DCLK2: variants seen among roughly 807,000 people sequenced by gnomAD.
DCLK2 encodes the protein serine/threonine-protein kinase DCLK2.
In DCLK2, 31 loss-of-function variants were observed where a neutral mutation model predicts 78.4. The observed-to-expected ratio is 0.40, with a 90% CI of 0.30 to 0.53. DCLK2 has a LOEUF of 0.53. Ranked by LOEUF, DCLK2 falls within the 20% of genes least tolerant of loss-of-function variation. The pLI, the probability that DCLK2 is intolerant of heterozygous loss-of-function variation, is 0.61. For missense variants in DCLK2, 872 were observed against 973.7 expected (o/e 0.90, Z 1.39); for synonymous variants, 407 against 374.9 (o/e 1.09, Z -0.99).
rs1440717350 is a variant in DCLK2 at position 150,175,056 on chromosome 4, A to T, written c.757-18082A>T. Among the ~76,000 whole-genome samples the T allele has an allele frequency of 3.8e-3, 64 of 17,066 alleles. 11 individuals carry two copies. Among genetic ancestry groups the T allele is most frequent in the Non-Finnish European group, 7.6e-3 (55 of 7,224 alleles). 11.2% of individuals were successfully genotyped at this position (17,066 alleles called of 152,430 possible). On this transcript the variant is annotated intron_variant, in intron 2 of 15. Coordinates refer to ENST00000296550, the MANE Select transcript of DCLK2 (RefSeq NM_001040260.4). ...TATTTATATATATTTATATATTTAT[A>T]TATATATTTATATATATTTATATAT...
chr4:150,242,422 C>G (rs568430539), intron 12 of DCLK2, among the ~76,000 whole-genome samples: 1 of 152,236 alleles, frequency 6.6e-6, no homozygotes, highest in Non-Finnish European at 1.5e-5. Context: ...GTGGGTTACA[C>G]AGACTGTAGA....
At chr4:150,098,698 CTTT>C (rs59616581) in intron 1 of DCLK2, among the ~76,000 whole-genome samples, 6 of 129,098 alleles carry the variant, frequency 4.6e-5, no homozygotes, top group African/African-American at 2.9e-5. Context: ...TTTTCTTTTT[CTTT>C]TTTTTTTTTT....
chr4:150,150,685 G>T (rs1370705125), intron 2 of DCLK2, among the ~76,000 whole-genome samples: 1 of 152,110 alleles, frequency 6.6e-6, no homozygotes, highest in African/African-American at 2.4e-5. Context: ...AGCACTCTTG[G>T]ACATGTTGTT....
At chr4:150,215,794 C>T (rs1309013211) in intron 5 of DCLK2, among the ~76,000 whole-genome samples, 3 of 152,208 alleles carry the variant, frequency 2.0e-5, no homozygotes, top group South Asian at 2.1e-4. Flanking sequence ...TTCTTAGCCT[C>T]TTTATAGAGC....
intron 2 of DCLK2, among the ~76,000 whole-genome samples, chr4:150,183,993 C>G (rs1299045708): frequency 6.6e-6 from 1 of 152,148 alleles, no homozygotes; most frequent in East Asian, 1.9e-4. Context: ...CTTGGCCTCC[C>G]TAAGTGCTGG....
At chr4:150,241,898 C>T (rs1163049467) in intron 12 of DCLK2, among the ~76,000 whole-genome samples, 1 of 152,186 alleles carries the variant, frequency 6.6e-6, no homozygotes, top group Non-Finnish European at 1.5e-5. Flanking sequence ...AAGGTCCCAT[C>T]TCCTACTACC....
intron 12 of DCLK2, among the ~76,000 whole-genome samples, chr4:150,240,822 T>C (rs1315609092): frequency 6.6e-6 from 1 of 151,802 alleles, no homozygotes; most frequent in Non-Finnish European, 1.5e-5. Context: ...CGCTTTTTAA[T>C]TTACAGCCTA....
At chr4:150,098,827 C>A (rs1298360201) in intron 1 of DCLK2, among the ~76,000 whole-genome samples, 3 of 151,530 alleles carry the variant, frequency 2.0e-5, no homozygotes, top group African/African-American at 7.3e-5. Flanking sequence ...TACTGAGTAG[C>A]TGGGATTACA....
At position 150,101,032 on chromosome 4, in the gene DCLK2, C is replaced by T. The variant is rs113517274; in HGVS notation, c.422-1446C>T. The stretch of plus-strand genomic sequence containing the variant: ...CTTTGGGAGGTCAAGGTGGGTGACT[C>T]GCTTGAACACAGGAGTTCAAGACCA... On this transcript the variant is annotated intron_variant, in intron 1 of 15. Coordinates refer to ENST00000296550, the MANE Select transcript of DCLK2 (RefSeq NM_001040260.4). Among the ~76,000 whole-genome samples the T allele has an allele frequency of 5.9e-5, 9 of 152,026 alleles. No homozygotes were observed. In the East Asian group the frequency reaches 1.3e-3, roughly 23 times the overall value.
intron 1 of DCLK2, among the ~76,000 whole-genome samples, chr4:150,101,244 C>T (rs1730870136): frequency 6.6e-6 from 1 of 152,018 alleles, no homozygotes; most frequent in Admixed American, 6.6e-5. Flanking sequence ...AACAGAGACC[C>T]TGTCTCAAAA....
intron 15 of DCLK2, among the ~76,000 whole-genome samples, chr4:150,255,605 G>A (rs1277433523): frequency 3.3e-5 from 5 of 152,184 alleles, no homozygotes; most frequent in Admixed American, 1.3e-4. Context: ...CAGGACATGC[G>A]GGTAACTTTT....
intron 5 of DCLK2, among the ~76,000 whole-genome samples, chr4:150,208,920 T>C (rs1391409466): frequency 3.3e-5 from 5 of 152,192 alleles, no homozygotes; most frequent in Admixed American, 3.3e-4. Flanking sequence ...GGAATTAGCA[T>C]ATCCAGATTC....
In DCLK2 at chr4:150,256,197, G is replaced by A. The variant is rs777975269; in HGVS notation, c.2251G>A (p.Ala751Thr). 13 of 1,309,012 alleles carry A rather than the reference G, an allele frequency of 9.9e-6. No individual in the cohort carries two copies. The highest frequency in any genetic ancestry group is 7.6e-5 in the East Asian group (2 of 26,230). The allele number at this position is 1,309,012 out of a possible 1,614,324, so 81.1% of individuals were successfully genotyped here. The change falls in exon 16 of 16, where the codon GCT (alanine) becomes ACT (threonine). Residue 751 changes from alanine (A) to threonine (T), a missense_variant. Physicochemically the swap from Ala to Thr is moderately conservative, Grantham distance 58. This residue lies in a region of DCLK2 where 219 missense variants were observed against 230.1 expected (regional missense o/e 0.95). Coordinates refer to ENST00000296550, the MANE Select transcript of DCLK2 (RefSeq NM_001040260.4). ...ATCTCCCACCCCCCACCCTCCTCCC[G>A]CTGCCCCGGGTGGTGAGCGGGCAGG... ...PESPTPHPPPAAPGGERAGTW... is the reference protein window; with the variant it reads ...PESPTPHPPPTAPGGERAGTW...
chr4:150,160,551 C>G (rs1270770160), intron 2 of DCLK2, among the ~76,000 whole-genome samples: 1 of 152,214 alleles, frequency 6.6e-6, no homozygotes. Flanking sequence ...GTTCAAGCTT[C>G]TACAAGGTTA....
chr4:150,207,628 G>C (rs1051181637), intron 5 of DCLK2, among the ~76,000 whole-genome samples: 2 of 152,158 alleles, frequency 1.3e-5, no homozygotes, highest in African/African-American at 4.8e-5. Flanking sequence ...GTAGCGGAAG[G>C]AAAGCTTTCT....
chr4:150,210,131 C>T (rs1052924853), intron 5 of DCLK2, among the ~76,000 whole-genome samples: 2 of 152,148 alleles, frequency 1.3e-5, no homozygotes, highest in African/African-American at 4.8e-5. Context: ...TTGATCTTGG[C>T]ATGGCCACTC....
rs1228654278 is a variant in DCLK2 at position 150,256,265 on chromosome 4, G to A, written c.*18G>A. ...GAGACTGAGCCTCCTGCAGACGGGC[G>A]AAGCCGCCTGCTGCAGCCCAGGAAG... On this transcript the variant is annotated 3_prime_UTR_variant, in exon 16 of 16. Transcript: ENST00000296550. 1.3e-6 allele frequency: 2 copies of A among 1,484,210 alleles called. No individual in the cohort carries two copies. The highest frequency in any genetic ancestry group is 2.5e-5 in the Admixed American group (1 of 40,694). 91.9% of individuals were successfully genotyped at this position (1,484,210 alleles called of 1,614,324 possible).
intron 2 of DCLK2, among the ~76,000 whole-genome samples, chr4:150,152,445 C>G (rs1734967313): frequency 6.6e-6 from 1 of 152,190 alleles, no homozygotes; most frequent in African/African-American, 2.4e-5. Context: ...CCACACCCAG[C>G]TAATTTTTGT....
chr4:150,141,294 A>G (rs1215796811), intron 2 of DCLK2, among the ~76,000 whole-genome samples: 2 of 152,064 alleles, frequency 1.3e-5, no homozygotes, highest in African/African-American at 4.8e-5. Context: ...TTAGGGTGAA[A>G]TATTTAGAGT....
Sources: allele counts gnomAD v4.1 joint callset (sites outside exome capture counted in the v4.1 genomes callset), GRCh38; gene constraint gnomAD v4.1.1; regional missense constraint gnomAD v4.1.1; transcripts MANE v1.5; gene names NCBI Gene and HGNC (gene_info 2026-07-23, HGNC 2026-07-21).